Variants in COMMD1 observed in about 807,000 individuals in gnomAD.
COMMD1 encodes the protein copper metabolism domain containing 1.
A neutral mutation model predicts 17.2 loss-of-function variants in COMMD1; 10 were observed. That is an observed-to-expected ratio of 0.58 (90% CI 0.36 to 0.99). The LOEUF (loss-of-function observed/expected upper bound fraction) is 0.99, where lower values mean the gene tolerates loss of function less well. Ranked by LOEUF, COMMD1 falls within the 50% of genes least tolerant of loss-of-function variation. The pLI is 0.01. For missense variants in COMMD1, 270 were observed against 231.8 expected (o/e 1.17, Z -1.07); for synonymous variants, 97 against 91.6 (o/e 1.06, Z -0.34).
intron 2 of COMMD1, among the ~76,000 whole-genome samples, chr2:62,009,441 C>A (rs1303133120): frequency 2.0e-5 from 3 of 151,868 alleles, no homozygotes; most frequent in Non-Finnish European, 4.4e-5. Context: ...CCAGTCTCTA[C>A]TGAAAATACA....
chr2:61,937,606 A>C (rs1670637066), intron 1 of COMMD1, among the ~76,000 whole-genome samples: 1 of 152,214 alleles, frequency 6.6e-6, no homozygotes, highest in African/African-American at 2.4e-5. Context: ...AGATGAACAA[A>C]CAAAAAGCCA....
At chr2:61,927,263 A>G (rs944245671) in intron 1 of COMMD1, among the ~76,000 whole-genome samples, 2 of 152,188 alleles carry the variant, frequency 1.3e-5, no homozygotes, top group African/African-American at 4.8e-5. Context: ...TCTCATGCTA[A>G]TTGAAGACTG....
intron 2 of COMMD1, among the ~76,000 whole-genome samples, chr2:62,122,528 A>G (rs1672778832): frequency 6.6e-6 from 1 of 151,808 alleles, no homozygotes; most frequent in African/African-American, 2.4e-5. Context: ...AACAGGGAAC[A>G]GAGTGTATGT....
intron 2 of COMMD1, among the ~76,000 whole-genome samples, chr2:62,038,270 G>A (rs1283394969): frequency 5.3e-5 from 8 of 152,030 alleles, no homozygotes; most frequent in African/African-American, 1.7e-4. Context: ...CCTGGGTGAC[G>A]GAGTGAGACT....
intron 2 of COMMD1, among the ~76,000 whole-genome samples, chr2:62,094,257 A>C (rs1671933912): frequency 6.6e-6 from 1 of 152,226 alleles, no homozygotes; most frequent in Non-Finnish European, 1.5e-5. Context: ...CATAAGAGGC[A>C]AAGCAGCTAA....
intron 2 of COMMD1, chr2:62,100,416 C>T (rs768969966): frequency 1.3e-5 from 2 of 152,126 alleles, no homozygotes; most frequent in Non-Finnish European, 2.9e-5. Context: ...CTCGGGAGGT[C>T]CTGAGAACAT....
intron 1 of COMMD1, among the ~76,000 whole-genome samples, chr2:61,957,778 T>C (rs1055221696): frequency 6.6e-6 from 1 of 152,220 alleles, no homozygotes; most frequent in African/African-American, 2.4e-5. Context: ...ATCCATTCTC[T>C]AATAAACCAA....
At chr2:61,898,443 T>C (rs753514187) in intron 1 of COMMD1, among the ~76,000 whole-genome samples, 11 of 152,168 alleles carry the variant, frequency 7.2e-5, no homozygotes, top group Admixed American at 4.6e-4. Context: ...GCCACTGCAC[T>C]GCAGCCTGGA....
chr2:62,102,457 G>C (rs1253109333), intron 2 of COMMD1, among the ~76,000 whole-genome samples: 2 of 152,132 alleles, frequency 1.3e-5, no homozygotes, highest in African/African-American at 2.4e-5. Flanking sequence ...CACTTGGACT[G>C]TCTGAATTAA....
At chr2:62,096,735 T>A (rs1447794036) in intron 2 of COMMD1, among the ~76,000 whole-genome samples, 1 of 152,228 alleles carries the variant, frequency 6.6e-6, no homozygotes, top group African/African-American at 2.4e-5. Flanking sequence ...AAATCATATG[T>A]CCCAAATACT....
intron 2 of COMMD1, among the ~76,000 whole-genome samples, chr2:62,126,342 G>A (rs1404860743): frequency 2.6e-5 from 4 of 152,098 alleles, no homozygotes; most frequent in South Asian, 2.1e-4. Flanking sequence ...TTGATGAATC[G>A]CCACACCGTC....
chr2:62,095,362 T>C (rs1332294847), intron 2 of COMMD1, among the ~76,000 whole-genome samples: 2 of 152,234 alleles, frequency 1.3e-5, no homozygotes, highest in African/African-American at 4.8e-5. Context: ...TTCTATTGGC[T>C]AACTTATACA....
chr2:62,042,640 C>T (rs189225567), intron 2 of COMMD1, among the ~76,000 whole-genome samples: 194 of 152,300 alleles, frequency 1.3e-3, no homozygotes, highest in South Asian at 3.7e-3. Flanking sequence ...GGAGCCGGCT[C>T]TGGCCTCAGC....
chr2:61,940,878 T>C (rs13431641), intron 1 of COMMD1, among the ~76,000 whole-genome samples: 18,790 of 151,166 alleles, frequency 0.12, 2,833 homozygotes, highest in African/African-American at 0.36. Context: ...TTAGTAGAGA[T>C]GGGGTTTCAC....
intron 1 of COMMD1, among the ~76,000 whole-genome samples, chr2:61,919,408 C>T (rs527986854): frequency 1.3e-4 from 20 of 152,144 alleles, no homozygotes; most frequent in Middle Eastern, 3.4e-3. Context: ...CTCTGCCGCC[C>T]GGGCTCAAGC....
At chr2:61,984,130 T>G (rs1672036009) in intron 1 of COMMD1, among the ~76,000 whole-genome samples, 1 of 152,198 alleles carries the variant, frequency 6.6e-6, no homozygotes, top group South Asian at 2.1e-4. Flanking sequence ...GTTCAAGCGA[T>G]TCTCCCACCT....
intron 1 of COMMD1, among the ~76,000 whole-genome samples, chr2:61,966,299 G>C (rs772179415): frequency 6.6e-5 from 10 of 152,120 alleles, no homozygotes; most frequent in Non-Finnish European, 1.2e-4. Flanking sequence ...TTACATAGTA[G>C]GTGTACATGA....
intron 2 of COMMD1, among the ~76,000 whole-genome samples, chr2:62,010,306 T>G (rs779897636): frequency 3.3e-5 from 5 of 152,196 alleles, no homozygotes; most frequent in African/African-American, 4.8e-5. Flanking sequence ...TCTTTTTTTT[T>G]TCTTTTAAAA....
intron 2 of COMMD1, among the ~76,000 whole-genome samples, chr2:62,018,815 T>C (rs115928668): frequency 0.012 from 1,834 of 152,290 alleles, 41 homozygotes; most frequent in African/African-American, 0.043. Context: ...GGATAATTTA[T>C]TGAGAACAGA....
Sources: gnomAD v4.1 joint callset for allele counts (sites outside exome capture counted in the v4.1 genomes callset) on GRCh38, gnomAD v4.1.1 for gene constraint, MANE v1.5 for transcripts, NCBI Gene and HGNC (gene_info 2026-07-23, HGNC 2026-07-21) for gene names.